Variants in ZNF160 observed in about 807,000 individuals in gnomAD.
The protein encoded by ZNF160 is KRAB zinc finger protein KR18.
In ZNF160, 9 loss-of-function variants were observed where a neutral mutation model predicts 13.1. That is an observed-to-expected ratio of 0.69 (90% CI 0.41 to 1.20). The LOEUF is 1.20. Ranked by LOEUF, ZNF160 falls within the 50% of genes most tolerant of loss-of-function variation. The pLI is 0.01. For missense variants in ZNF160, 838 were observed against 988.0 expected, an observed-to-expected ratio of 0.85 and a Z score of 2.04; for synonymous variants, 293 against 333.2, an observed-to-expected ratio of 0.88 and a Z score of 1.31.
chr19:53,075,916 C>A, intron 3 of ZNF160: 1 of 451,236 alleles, frequency 2.2e-6, no homozygotes, highest in Admixed American at 2.3e-5. Flanking sequence ...AGCCCTCAGC[C>A]TATGGGAGCT....
In ZNF160 at chr19:53,068,700, G is replaced by A; in HGVS notation, c.1834C>T (p.Gln612Ter). 6.2e-7 allele frequency: 1 copy of A among 1,614,176 alleles called. No individual in the cohort carries two copies. The highest frequency in any genetic ancestry group is 8.5e-7 in the Non-Finnish European group (1 of 1,180,022). ...GGTTTCTCTCCAGTATGTATTGCCT[G>A]ATGAAAAGTTAGGCTTGAACGATCA... is the stretch of plus-strand genomic sequence containing the variant. ...FSDRSSLTFH[Q>*]AIHTGEKPYK... The change falls in exon 6 of 6, where the codon CAG becomes TAG. Residue 612 changes from glutamine to a stop codon, truncating the protein, a stop_gained. Transcript: ENST00000683776. LOFTEE classifies it low-confidence loss of function (END_TRUNC).
intron 1 of ZNF160, among the ~76,000 whole-genome samples, chr19:53,098,362 A>G (rs2085313000): frequency 6.6e-6 from 1 of 152,110 alleles, no homozygotes; most frequent in Non-Finnish European, 1.5e-5. Context: ...TGAGAAGCAC[A>G]CTGGATTGAA....
Position 53,069,790 on chromosome 19 carries a change from T to C in ZNF160, c.744A>G (p.Arg248=). ...LNHFSLLTQR[R]KANSCGKPYK... ...AAGGTTTTCCACAACTGTTTGCTTT[T>C]CGTCTTTGTGTGAGTAATGAAAAAT... The change falls in exon 6 of 6, where the codon CGA becomes CGG. Residue 248 remains arginine (R), a synonymous_variant. Transcript: ENST00000683776. This position sits in a 1 kb window ranked among gnomAD's most constrained non-coding sequence, Gnocchi z 4.4. 1 of 1,614,220 alleles carries C rather than the reference T, an allele frequency of 6.2e-7. No individual in the cohort carries two copies. The highest frequency in any genetic ancestry group is 1.1e-5 in the South Asian group (1 of 91,088).
chr19:53,086,431 A>T (rs772977166), intron 2 of ZNF160, 110 bp from the exon 3 acceptor site: 1 of 838,504 alleles, frequency 1.2e-6, no homozygotes, highest in Non-Finnish European at 1.7e-6. Context: ...ACACGCACAG[A>T]TCTCACCCTG....
intron 2 of ZNF160, among the ~76,000 whole-genome samples, chr19:53,090,808 C>A (rs941629910): frequency 1.2e-4 from 19 of 152,120 alleles, no homozygotes; most frequent in African/African-American, 4.6e-4. Context: ...CAATGAAGGG[C>A]GAGGCTTAGG....
At chr19:53,101,257 G>A (rs966168484) in intron 1 of ZNF160, among the ~76,000 whole-genome samples, 3 of 152,032 alleles carry the variant, frequency 2.0e-5, no homozygotes, top group Non-Finnish European at 2.9e-5. Flanking sequence ...TCCAGCCTGG[G>A]TGAAAGAGCG....
chr19:53,069,005 T>C lies in ZNF160; in HGVS notation c.1529A>G (p.Lys510Arg), dbSNP rs577708439. 48 of 1,614,208 alleles carry C rather than the reference T, an allele frequency of 3.0e-5. No homozygotes were observed. Among genetic ancestry groups the C allele is most frequent in the Non-Finnish European group, 3.1e-5 (37 of 1,180,042 alleles). Residue 510 changes from lysine to arginine, a missense_variant, in exon 6 of 6, where the codon AAG (lysine) becomes AGG (arginine). Physicochemically the swap from Lys to Arg is conservative, Grantham distance 26 (BLOSUM62 2). Around this residue, in one of 3 missense-constraint regions of ZNF160, gnomAD observed 400 missense variants for 538.9 expected, o/e 0.74. Coordinates refer to ENST00000683776, the MANE Select transcript of ZNF160 (RefSeq NM_001322131.2). This position sits in a 1 kb window ranked among gnomAD's most constrained non-coding sequence, Gnocchi z 4.4. ...GAAGGCTTTCCCACACTCATTACAC[T>C]TGTAAGGTTTCTCTCCAGTATGAAT... ...RRIHTGEKPY[K>R]CNECGKAFSV...
chr19:53,068,649 C>T lies in ZNF160; in HGVS notation c.1885G>A (p.Val629Ile). 1.2e-6 allele frequency: 2 copies of T among 1,613,616 alleles called. No individual in the cohort carries two copies. The highest frequency in any genetic ancestry group is 1.3e-5 in the African/African-American group (1 of 74,834). ...GCAAGGTATGAATTGTGCCTAAAAA[C>T]CTTGCCGCATTCATGACATTTGTAA... is the stretch of plus-strand genomic sequence containing the variant. ...KPYKCHECGK[V>I]FRHNSYLATH... Residue 629 changes from valine to isoleucine, a missense_variant, in exon 6 of 6, where the codon GTT (valine) becomes ATT (isoleucine). Around this residue, in one of 3 missense-constraint regions of ZNF160, gnomAD observed 400 missense variants for 538.9 expected, o/e 0.74. Coordinates refer to ENST00000683776, the MANE Select transcript of ZNF160 (RefSeq NM_001322131.2).
chr19:53,079,711 A>G lies in ZNF160; in HGVS notation c.16-4528T>C, dbSNP rs2084553242. Among the ~76,000 whole-genome samples the G allele has an allele frequency of 2.0e-5, 3 of 151,700 alleles. No individual in the cohort carries two copies. In the South Asian group the frequency reaches 6.2e-4, roughly 31 times the overall value. On this transcript the variant is annotated intron_variant, in intron 3 of 5. Transcript: ENST00000683776. Reference sequence around the variant, plus strand: ...CCAACCGAAAAACTTTTGTGCATCAACAGATGCTACCAAGAGTAAAACAGT... The same window carrying G: ...CCAACCGAAAAACTTTTGTGCATCAGCAGATGCTACCAAGAGTAAAACAGT...
At chr19:53,084,351 G>A (rs2084750496) in intron 3 of ZNF160, among the ~76,000 whole-genome samples, 1 of 152,142 alleles carries the variant, frequency 6.6e-6, no homozygotes, top group African/African-American at 2.4e-5. Flanking sequence ...AGTACCTTAC[G>A]GCAGGAAGCC....
In ZNF160 at chr19:53,068,292, G is replaced by T. The variant is rs200114429; in HGVS notation, c.2242C>A (p.Leu748Met). ...CGKVFTQNAH[L>M]ANHRRIHTGE... ...GTATGAATTCTTCGGTGATTTGCCA[G>T]GTGAGCATTTTGAGTAAAGACCTTG... Residue 748 changes from leucine (L) to methionine (M), a missense_variant, in exon 6 of 6, where the codon CTG (leucine) becomes ATG (methionine). This residue lies in a region of ZNF160 where 400 missense variants were observed against 538.9 expected (regional missense o/e 0.74). Coordinates refer to ENST00000683776, the MANE Select transcript of ZNF160 (RefSeq NM_001322131.2). The T allele has an allele frequency of 1.2e-6, 2 of 1,614,114 alleles. No homozygotes were observed. The highest frequency in any genetic ancestry group is 1.3e-5 in the African/African-American group (1 of 75,046).
At position 53,073,167 on chromosome 19, in the gene ZNF160, T is replaced by C; in HGVS notation, c.271+973A>G. The C allele has an allele frequency of 1.0e-5, 14 of 1,406,250 alleles. No individual in the cohort carries two copies. The South Asian group carries it at 2.2e-4, about 22-fold the overall frequency. The allele number at this position is 1,406,250 out of a possible 1,614,324, so 87.1% of individuals were successfully genotyped here. On this transcript the variant is annotated intron_variant, in intron 5 of 5. Coordinates refer to ENST00000683776, the MANE Select transcript of ZNF160 (RefSeq NM_001322131.2). ...ACCTGTGGTAACCCACATTCTACTCTTTGCTGCTATTAGTTTTATTGGTTT... is the reference window on the plus strand; with the variant it reads ...ACCTGTGGTAACCCACATTCTACTCCTTGCTGCTATTAGTTTTATTGGTTT...
chr19:53,084,189 C>T (rs1254702209), intron 3 of ZNF160, among the ~76,000 whole-genome samples: 9 of 152,174 alleles, frequency 5.9e-5, no homozygotes, highest in Admixed American at 1.3e-4. Flanking sequence ...GTTCTGCCCA[C>T]GAAGGCACCA....
rs2084069920 is a variant in ZNF160, at chr19:53,069,162, A to G, written c.1372T>C (p.Cys458Arg). 6.2e-7 allele frequency: 1 copy of G among 1,614,180 alleles called. No individual in the cohort carries two copies. The highest frequency in any genetic ancestry group is 8.5e-7 in the Non-Finnish European group (1 of 1,180,006). ...TGEKPYKCNE[C>R]GKAFSMHSNL... is the part of the protein sequence containing the mutation. ...GAATGCATACTGAAGGCTTTGCCACATTCATTACACTTGTAAGGTTTCTCA... is the reference window on the plus strand; with the variant it reads ...GAATGCATACTGAAGGCTTTGCCACGTTCATTACACTTGTAAGGTTTCTCA... The change falls in exon 6 of 6, where the codon TGT becomes CGT. Residue 458 changes from cysteine (C) to arginine (R), a missense_variant. This residue lies in a region of ZNF160 where 400 missense variants were observed against 538.9 expected (regional missense o/e 0.74). Transcript: ENST00000683776. This position sits in a 1 kb window ranked among gnomAD's most constrained non-coding sequence, Gnocchi z 4.4.
At chr19:53,097,888 G>T (rs1464102502) in intron 1 of ZNF160, among the ~76,000 whole-genome samples, 1 of 152,158 alleles carries the variant, frequency 6.6e-6, no homozygotes, top group Non-Finnish European at 1.5e-5. Flanking sequence ...GAGCAGCTCT[G>T]GGATCCACAC....
chr19:53,081,938 A>AT (rs1374738303), intron 3 of ZNF160, among the ~76,000 whole-genome samples: 3 of 152,212 alleles, frequency 2.0e-5, no homozygotes, highest in African/African-American at 7.2e-5. Flanking sequence ...TTATACAGCC[A>AT]TAAAAAAACA....
chr19:53,076,159 A>G (rs2084380150), intron 3 of ZNF160, among the ~76,000 whole-genome samples: 1 of 152,186 alleles, frequency 6.6e-6, no homozygotes, highest in Non-Finnish European at 1.5e-5. Context: ...CTGTCTTATT[A>G]TTCTTTTACC....
At chr19:53,099,054 C>T (rs1440070172) in intron 1 of ZNF160, among the ~76,000 whole-genome samples, 2 of 142,336 alleles carry the variant, frequency 1.4e-5, no homozygotes, top group East Asian at 2.0e-4. Context: ...ATCTGAACCA[C>T]AACCCCAGAG....
chr19:53,079,663 A>AG, intron 3 of ZNF160, among the ~76,000 whole-genome samples: 1 of 150,522 alleles, frequency 6.6e-6, no homozygotes, highest in Non-Finnish European at 1.5e-5. Context: ...ATAGCAGCAA[A>AG]AAAAAAAAAA....
Sources: gnomAD v4.1 joint callset for allele counts (sites outside exome capture counted in the v4.1 genomes callset) on GRCh38, gnomAD v4.1.1 for gene constraint, gnomAD v4.1.1 regional missense constraint, Gnocchi (gnomAD v3.1) non-coding constraint, MANE v1.5 for transcripts, NCBI Gene and HGNC (gene_info 2026-07-23, HGNC 2026-07-21) for gene names.